DOK7: variants seen among roughly 807,000 people sequenced by gnomAD.
DOK7 encodes the protein protein Dok-7.
DOK7 carries 32 observed loss-of-function variants against 30.7 expected under a neutral mutation model. That is an observed-to-expected ratio of 1.04 (90% CI 0.79 to 1.40). The LOEUF (loss-of-function observed/expected upper bound fraction) is 1.40. Ranked by LOEUF, DOK7 falls within the 40% of genes most tolerant of loss-of-function variation. The probability of loss-of-function intolerance (pLI) is 0.00; values close to 1 mark genes in which losing one functional copy is unlikely to be tolerated. For synonymous variants in DOK7, 447 were observed against 324.1 expected, an observed-to-expected ratio of 1.38 and a Z score of -4.07; for missense variants, 1,007 against 699.2, an observed-to-expected ratio of 1.44 and a Z score of -4.97.
In DOK7 at chr4:3,492,891, C is replaced by G. The variant is rs1488350066; in HGVS notation, c.905C>G (p.Ala302Gly). The G allele has an allele frequency of 6.3e-7, 1 of 1,594,606 alleles. No homozygotes were observed. The highest frequency in any genetic ancestry group is 8.5e-7 in the Non-Finnish European group (1 of 1,172,750). The change falls in exon 7 of 7, where the codon GCA becomes GGA. Residue 302 changes from alanine (A) to glycine (G), a missense_variant. Physicochemically the swap from Ala to Gly is moderately conservative, Grantham distance 60. Coordinates refer to ENST00000340083, the MANE Select transcript of DOK7 (RefSeq NM_173660.5). ...ACGTCACAGGAGGGGCCTAGACCAG[C>G]AGCTGCCCAGGCCGCCGGGGAAGCC... The part of the protein sequence containing the change: ...ASTSQEGPRP[A>G]AAQAAGEAMV...
intron 2 of DOK7, among the ~76,000 whole-genome samples, chr4:3,465,453 G>A (rs185638799): frequency 1.1e-4 from 17 of 152,328 alleles, no homozygotes; most frequent in East Asian, 5.8e-4. Context: ...CAGACCCTGC[G>A]CTCCTGGTGT....
At chr4:3,497,929 C>A (rs1338139057), downstream of DOK7, among the ~76,000 whole-genome samples, 1 of 152,182 alleles carries the variant, frequency 6.6e-6, no homozygotes, top group Non-Finnish European at 1.5e-5. Flanking sequence ...CGAGGCCACC[C>A]GTACCCTTCA....
intron 2 of DOK7, among the ~76,000 whole-genome samples, chr4:3,468,034 G>C (rs1313998517): frequency 1.3e-5 from 2 of 152,238 alleles, no homozygotes; most frequent in African/African-American, 4.8e-5. Flanking sequence ...TTCAGATTCA[G>C]ACCCCAGCAC....
chr4:3,500,055 T>TG (rs113597595), intron 6 of DOK7, among the ~76,000 whole-genome samples: 18 of 142,468 alleles, frequency 1.3e-4, no homozygotes, highest in South Asian at 4.3e-4. Flanking sequence ...GTGGACAGTG[T>TG]GGGGGGGGCC....
intron 4 of DOK7, among the ~76,000 whole-genome samples, chr4:3,478,025 G>A (rs1351232369): frequency 2.6e-5 from 4 of 152,194 alleles, no homozygotes; most frequent in African/African-American, 9.7e-5. Flanking sequence ...AGCCAGAGCT[G>A]CAGGCTGTAG....
chr4:3,488,311 G>T (rs959634482), intron 5 of DOK7, among the ~76,000 whole-genome samples: 3 of 152,252 alleles, frequency 2.0e-5, no homozygotes, highest in African/African-American at 7.2e-5. Flanking sequence ...CCGTGGGGAG[G>T]GCCCTGTTCT....
At chr4:3,470,797 C>T (rs1053993990) in intron 2 of DOK7, among the ~76,000 whole-genome samples, 8 of 152,206 alleles carry the variant, frequency 5.3e-5, no homozygotes, top group Admixed American at 2.0e-4. Context: ...AGGGTGACGT[C>T]GGGCTCTTTA....
chr4:3,485,042 A>C (rs1210440721), intron 4 of DOK7, among the ~76,000 whole-genome samples: 1 of 152,038 alleles, frequency 6.6e-6, no homozygotes, highest in Admixed American at 6.5e-5. Context: ...ATTTGCCCTC[A>C]AGACGGCTGT....
At chr4:3,472,050 T>C (rs1017800730) in intron 2 of DOK7, among the ~76,000 whole-genome samples, 2 of 152,250 alleles carry the variant, frequency 1.3e-5, no homozygotes, top group South Asian at 4.1e-4. Context: ...CCGCAGAGCC[T>C]GTGTGGCCCT....
Position 3,485,581 on chromosome 4 carries a change from T to A in DOK7, c.575T>A (p.Ile192Asn). The A allele has an allele frequency of 6.2e-7, 1 of 1,607,646 alleles. No homozygotes were observed. Among genetic ancestry groups the A allele is most frequent in the Middle Eastern group, 1.7e-4 (1 of 6,042 alleles). ...FFLSSAEGEQ[I>N]SFLFDCIVRG... ...CTGTCCTCGGCCGAGGGGGAGCAGA[T>A]CAGCTTCCTGTTCGACTGCATCGTC... Residue 192 changes from isoleucine (I) to asparagine (N), a missense_variant, in exon 5 of 7, where the codon ATC (isoleucine) becomes AAC (asparagine). Ile to Asn is a moderately radical substitution (Grantham distance 149). Coordinates refer to ENST00000340083, the MANE Select transcript of DOK7 (RefSeq NM_173660.5).
chr4:3,485,231 G>A, intron 4 of DOK7: 1 of 308,072 alleles, frequency 3.2e-6, no homozygotes, highest in South Asian at 1.3e-4. Context: ...CCTGTCGGCT[G>A]CAGGACCTAG....
intron 6 of DOK7, among the ~76,000 whole-genome samples, chr4:3,499,920 G>A (rs974836436): frequency 1.6e-4 from 24 of 151,930 alleles, no homozygotes; most frequent in Non-Finnish European, 2.5e-4. Context: ...GGTGCGGGGC[G>A]AGGGGCGCAG....
rs1462669902 is a variant in DOK7, at chr4:3,491,330, A to C, written c.773-1429A>C. On this transcript the variant is annotated intron_variant, in intron 6 of 6. Transcript: ENST00000340083. ...TCCTGCCTTCTCCCCCTGCTCATTC[A>C]TTCCTTCCTTCTTCGCCTGCTTGTT... Among the ~76,000 whole-genome samples, 99 of 47,882 alleles carry C rather than the reference A, an allele frequency of 2.1e-3. 1 individual carries two copies. The highest frequency in any genetic ancestry group is 6.2e-3 in the African/African-American group (77 of 12,430). The allele number at this position is 47,882 out of a possible 152,430, so 31.4% of individuals were successfully genotyped here.
At chr4:3,480,739 A>G (rs12508743) in intron 4 of DOK7, among the ~76,000 whole-genome samples, 59,770 of 152,228 alleles carry the variant, frequency 0.39, 12,930 homozygotes, top group African/African-American at 0.57. Flanking sequence ...CAGCCTGGAC[A>G]GAGCTGGCTG....
downstream of DOK7, among the ~76,000 whole-genome samples, chr4:3,499,041 A>T (rs1217072462): frequency 6.6e-6 from 1 of 152,188 alleles, no homozygotes; most frequent in Admixed American, 6.5e-5. Context: ...TGCTGCAGGG[A>T]GTGACGGGGA....
intron 2 of DOK7, among the ~76,000 whole-genome samples, chr4:3,464,064 T>G (rs889321170): frequency 6.6e-6 from 1 of 151,670 alleles, no homozygotes; most frequent in Non-Finnish European, 1.5e-5. Flanking sequence ...CCCCCCCCAG[T>G]CCCCGCCCTG....
chr4:3,498,446 T>C (rs1266171235), downstream of DOK7, among the ~76,000 whole-genome samples: 2 of 152,130 alleles, frequency 1.3e-5, no homozygotes, highest in African/African-American at 2.4e-5. Context: ...CGCCCAACCT[T>C]GGGAGCAAAC....
intron 3 of DOK7, among the ~76,000 whole-genome samples, chr4:3,475,874 G>C (rs756701337): frequency 2.6e-4 from 39 of 152,090 alleles, no homozygotes; most frequent in Non-Finnish European, 5.1e-4. Flanking sequence ...GTGGAGGTCC[G>C]AGGTCAGGCC....
In DOK7 at chr4:3,472,148, G is replaced by A. The variant is rs1189491726; in HGVS notation, c.101-1258G>A. 4.6e-5 allele frequency among the ~76,000 whole-genome samples: 7 copies of A among 152,370 alleles called. No individual in the cohort carries two copies. The East Asian group carries it at 7.7e-4, about 17-fold the overall frequency. On this transcript the variant is annotated intron_variant, in intron 2 of 6. Transcript: ENST00000340083. ...GGTCACACAGACCCCCTGGCTCTGC[G>A]GGCTGTGGCCATGTGGCCCGGGGAG...
Sources: gnomAD v4.1 joint callset for allele counts (sites outside exome capture counted in the v4.1 genomes callset) on GRCh38, gnomAD v4.1.1 for gene constraint, MANE v1.5 for transcripts, NCBI Gene and HGNC (gene_info 2026-07-23, HGNC 2026-07-21) for gene names.